Variants in RAPGEF5 observed in about 807,000 individuals in gnomAD.
The protein encoded by RAPGEF5 is M-Ras-regulated GEF.
Under a neutral mutation model 125.2 loss-of-function variants are expected in RAPGEF5, and 65 were observed. That is an observed-to-expected ratio of 0.52 (90% CI 0.43 to 0.64). The LOEUF (loss-of-function observed/expected upper bound fraction) is 0.64, where lower values mean the gene tolerates loss of function less well. Ranked by LOEUF, RAPGEF5 falls within the 30% of genes least tolerant of loss-of-function variation. The pLI is 0.00. For missense variants in RAPGEF5, 958 were observed against 1,048.1 expected (o/e 0.91, Z 1.19); for synonymous variants, 391 against 385.9 (o/e 1.01, Z -0.16).
chr7:22,161,159 A>G (rs1783980226), intron 13 of RAPGEF5, among the ~76,000 whole-genome samples: 1 of 152,210 alleles, frequency 6.6e-6, no homozygotes. Flanking sequence ...CAGTGAGCCG[A>G]GATCGCGCCA....
chr7:22,160,460 T>C, intron 14 of RAPGEF5, 58 bp downstream of exon 14: 1 of 1,486,052 alleles, frequency 6.7e-7, no homozygotes, highest in Non-Finnish European at 9.0e-7. Flanking sequence ...TTCCAAATTC[T>C]ATCATATTTG....
At chr7:22,253,963 T>C (rs1786686204) in intron 7 of RAPGEF5, among the ~76,000 whole-genome samples, 1 of 152,172 alleles carries the variant, frequency 6.6e-6, no homozygotes, top group South Asian at 2.1e-4. Flanking sequence ...ATTCCACAGG[T>C]ATAAAGGTTA....
At chr7:22,342,610 T>C (rs184673016) in intron 1 of RAPGEF5, among the ~76,000 whole-genome samples, 160 of 152,320 alleles carry the variant, frequency 1.1e-3, no homozygotes, top group Admixed American at 2.1e-3. Flanking sequence ...ACCACCCAAG[T>C]CACCTCTTGA....
intron 1 of RAPGEF5, among the ~76,000 whole-genome samples, chr7:22,352,002 C>T (rs915055822): frequency 6.6e-6 from 1 of 152,192 alleles, no homozygotes; most frequent in African/African-American, 2.4e-5. Context: ...CATAAGAACC[C>T]TGGCTAGTGA....
At chr7:22,346,569 A>G (rs1583595265) in intron 1 of RAPGEF5, among the ~76,000 whole-genome samples, 1 of 152,164 alleles carries the variant, frequency 6.6e-6, no homozygotes, top group Admixed American at 6.5e-5. Context: ...CGTCAGCACC[A>G]AAGTCCTAAG....
chr7:22,122,849 G>A (rs1159267863), intron 25 of RAPGEF5, among the ~76,000 whole-genome samples: 5 of 152,256 alleles, frequency 3.3e-5, no homozygotes, highest in South Asian at 2.1e-4. Flanking sequence ...GCCAGGATTC[G>A]GACCCAGGAC....
chr7:22,146,003 A>G (rs895394254), intron 19 of RAPGEF5, among the ~76,000 whole-genome samples: 4 of 149,250 alleles, frequency 2.7e-5, no homozygotes, highest in African/African-American at 1.0e-4. Flanking sequence ...TGTGTGTTTT[A>G]TAGAGGTAAT....
intron 7 of RAPGEF5, among the ~76,000 whole-genome samples, chr7:22,262,336 G>A (rs893298162): frequency 1.3e-4 from 20 of 152,056 alleles, no homozygotes; most frequent in Non-Finnish European, 2.9e-4. Flanking sequence ...AGCCATCAGG[G>A]AAACGCAAAT....
At chr7:22,301,366 C>T (rs563257386) in intron 5 of RAPGEF5, among the ~76,000 whole-genome samples, 7 of 151,948 alleles carry the variant, frequency 4.6e-5, no homozygotes, top group South Asian at 2.1e-4. Flanking sequence ...CTGTAATCTC[C>T]GAACTTTGGG....
intron 7 of RAPGEF5, among the ~76,000 whole-genome samples, chr7:22,263,350 T>C (rs1003391074): frequency 2.6e-5 from 4 of 152,222 alleles, no homozygotes; most frequent in African/African-American, 9.6e-5. Flanking sequence ...AATCTAAAGT[T>C]ATCTCAAAAG....
chr7:22,247,894 G>A (rs968625728), intron 7 of RAPGEF5, among the ~76,000 whole-genome samples: 1 of 152,156 alleles, frequency 6.6e-6, no homozygotes, highest in East Asian at 1.9e-4. Flanking sequence ...AATACTGCAT[G>A]TTCTTACTTA....
chr7:22,273,467 C>T (rs1031459157), intron 6 of RAPGEF5, among the ~76,000 whole-genome samples: 6 of 152,102 alleles, frequency 3.9e-5, no homozygotes, highest in Non-Finnish European at 8.8e-5. Flanking sequence ...ATCCGCCCGC[C>T]TCGGCCTCCC....
intron 1 of RAPGEF5, chr7:22,356,479 G>C (rs981412900): frequency 1.9e-5 from 3 of 158,048 alleles, no homozygotes; most frequent in African/African-American, 7.2e-5. Flanking sequence ...TTGCGGTTGG[G>C]ACAGGGCTGG....
chr7:22,305,664 G>GT (rs892608473), intron 5 of RAPGEF5, among the ~76,000 whole-genome samples: 6 of 151,900 alleles, frequency 3.9e-5, no homozygotes, highest in Non-Finnish European at 1.5e-5. Flanking sequence ...TCTTTCTAAC[G>GT]TTTTTTTGGT....
chr7:22,308,551 T>C (rs374556010), intron 4 of RAPGEF5, 44 bp from the exon 5 acceptor site: 204 of 1,381,936 alleles, frequency 1.5e-4, no homozygotes, highest in Non-Finnish European at 1.9e-4. Context: ...TTAAAAGATA[T>C]TACTCAGAGA....
At chr7:22,290,877 G>A (rs1782919429) in intron 6 of RAPGEF5, among the ~76,000 whole-genome samples, 1 of 151,830 alleles carries the variant, frequency 6.6e-6, no homozygotes, top group Non-Finnish European at 1.5e-5. Flanking sequence ...TTGTGCAGCA[G>A]GTCACAACTT....
chr7:22,280,345 GAGGAGGTAGGGAAGAGAAA>G (rs1482557476), intron 6 of RAPGEF5, among the ~76,000 whole-genome samples: 9 of 152,238 alleles, frequency 5.9e-5, no homozygotes, highest in South Asian at 2.1e-4. Flanking sequence ...TGAAGCAGAG[GAGGAGGTAGGGAAGAGAAA>G]AGACAGAAAA....
intron 1 of RAPGEF5, among the ~76,000 whole-genome samples, chr7:22,319,985 T>C (rs1783683811): frequency 6.6e-6 from 1 of 151,792 alleles, no homozygotes; most frequent in South Asian, 2.1e-4. Context: ...AACAGAAACC[T>C]CCCCCATGGA....
chr7:22,333,523 G>A (rs935300266), intron 1 of RAPGEF5, among the ~76,000 whole-genome samples: 2 of 152,144 alleles, frequency 1.3e-5, no homozygotes, highest in African/African-American at 4.8e-5. Context: ...AATGAAAAGA[G>A]TATTTATTAC....
Sources: allele counts gnomAD v4.1 joint callset (sites outside exome capture counted in the v4.1 genomes callset), GRCh38; gene constraint gnomAD v4.1.1; transcripts MANE v1.5; gene names NCBI Gene and HGNC (gene_info 2026-07-23, HGNC 2026-07-21).